The following LARS2 variants were observed in gnomAD, a reference collection of about 807,000 sequenced individuals.
LARS2 encodes leucyl-tRNA synthetase 2, mitochondrial.
LARS2 carries 81 observed loss-of-function variants against 116.6 expected under a neutral mutation model. That is an observed-to-expected ratio of 0.69 (90% CI 0.58 to 0.84). The LOEUF (loss-of-function observed/expected upper bound fraction) is 0.84, where lower values mean the gene tolerates loss of function less well. Ranked by LOEUF, LARS2 falls within the 40% of genes least tolerant of loss-of-function variation. LARS2 has a pLI of 0.00. For missense variants in LARS2, 968 were observed against 1,114.5 expected, an observed-to-expected ratio of 0.87 and a Z score of 1.87; for synonymous variants, 396 against 407.2, an observed-to-expected ratio of 0.97 and a Z score of 0.33.
chr3:45,446,773 A>T, intron 6 of LARS2, 118 bp from the exon 7 acceptor site: 1 of 601,642 alleles, frequency 1.7e-6, no homozygotes. Context: ...AAATATTTTG[A>T]GCTGGTAAAT....
intron 7 of LARS2, among the ~76,000 whole-genome samples, chr3:45,457,634 C>T (rs938861178): frequency 3.3e-5 from 5 of 151,984 alleles, no homozygotes; most frequent in African/African-American, 9.7e-5. Flanking sequence ...GCCAAGATTG[C>T]AACCATTGCA....
chr3:45,547,242 C>A, intron 21 of LARS2, 109 bp from the exon 22 acceptor site: 1 of 990,560 alleles, frequency 1.0e-6, no homozygotes, highest in Non-Finnish European at 1.5e-6. Context: ...CTATTCCTTT[C>A]CCCTAAACAA....
chr3:45,403,212 A>C (rs1217751879), intron 4 of LARS2, among the ~76,000 whole-genome samples: 2 of 152,088 alleles, frequency 1.3e-5, no homozygotes, highest in Non-Finnish European at 2.9e-5. Flanking sequence ...GTGATAAAGA[A>C]TCTAGTTGTG....
rs180673990 is a variant in LARS2, at chr3:45,390,581, G to C, written c.-87-1002G>C. Among the ~76,000 whole-genome samples, 482 of 151,312 alleles carry C rather than the reference G, an allele frequency of 3.2e-3. 2 individuals carry two copies. Among genetic ancestry groups the C allele is most frequent in the African/African-American group, 0.01 (431 of 41,274 alleles). On this transcript the variant is annotated intron_variant, in intron 1 of 21. Transcript: ENST00000645846. ...CCCGCCTCAGCCTCCGAAAGTGCTGGGATTACAGGCGTGAGCCACCAGACC... is the reference window on the plus strand; with the variant it reads ...CCCGCCTCAGCCTCCGAAAGTGCTGCGATTACAGGCGTGAGCCACCAGACC...
intron 18 of LARS2, 78 bp downstream of exon 18, chr3:45,518,150 C>A: frequency 8.7e-7 from 1 of 1,152,970 alleles, no homozygotes; most frequent in Non-Finnish European, 1.2e-6. Flanking sequence ...GTCTTTGCTG[C>A]CCTCCCTGCC....
intron 14 of LARS2, among the ~76,000 whole-genome samples, chr3:45,499,593 G>C (rs1279537961): frequency 6.6e-6 from 1 of 152,200 alleles, no homozygotes; most frequent in African/African-American, 2.4e-5. Context: ...CTGCGCTCCA[G>C]CGTGGGTGAC....
rs1698395954 is a variant in LARS2 at position 45,415,371 on chromosome 3, T to G, written c.364-2111T>G. Among the ~76,000 whole-genome samples the G allele has an allele frequency of 2.6e-5, 4 of 152,194 alleles. No homozygotes were observed. In the South Asian group the frequency reaches 8.3e-4, roughly 31 times the overall value. ...GCCAACATTATATACAGCACTTTAC[T>G]GTGTGGCAGGCACTATTCTCAGCAC... On this transcript the variant is annotated intron_variant, in intron 4 of 21. Coordinates refer to ENST00000645846, the MANE Select transcript of LARS2 (RefSeq NM_015340.4).
chr3:45,409,128 T>A (rs1698283711), intron 4 of LARS2, among the ~76,000 whole-genome samples: 1 of 152,230 alleles, frequency 6.6e-6, no homozygotes, highest in African/African-American at 2.4e-5. Context: ...GTCCAAGAAG[T>A]TAACTTCTAG....
At chr3:45,513,090 C>A in intron 15 of LARS2, 45 bp from the exon 16 acceptor site, 1 of 1,291,380 alleles carries the variant, frequency 7.7e-7, no homozygotes, top group Non-Finnish European at 1.1e-6. Flanking sequence ...CTCAATGCCT[C>A]ATGTCCCACT....
intron 6 of LARS2, among the ~76,000 whole-genome samples, chr3:45,426,189 T>A (rs887656753): frequency 1.3e-5 from 2 of 152,356 alleles, no homozygotes; most frequent in Middle Eastern, 3.4e-3. Flanking sequence ...CTTGAACTAA[T>A]AACGAAGCCT....
chr3:45,534,818 CA>C (rs557235377), intron 20 of LARS2, among the ~76,000 whole-genome samples: 38 of 152,204 alleles, frequency 2.5e-4, no homozygotes, highest in Non-Finnish European at 4.7e-4. Flanking sequence ...GAAACAGACC[CA>C]GCGTCTTGGC....
intron 8 of LARS2, among the ~76,000 whole-genome samples, chr3:45,465,627 G>A (rs1559478157): frequency 1.3e-5 from 2 of 152,218 alleles, no homozygotes; most frequent in Admixed American, 1.3e-4. Context: ...GCTCTCAGCA[G>A]GCCTGAGAGG....
At chr3:45,492,800 G>T (rs565682519) in intron 13 of LARS2, among the ~76,000 whole-genome samples, 1 of 152,188 alleles carries the variant, frequency 6.6e-6, no homozygotes, top group Non-Finnish European at 1.5e-5. Context: ...ATCCAGCCAG[G>T]GACTTGCCAG....
At chr3:45,389,218 A>G (rs1697896430) in intron 1 of LARS2, 1 of 151,110 alleles carries the variant, frequency 6.6e-6, no homozygotes, top group Non-Finnish European at 1.5e-5. Flanking sequence ...TGTTGTACAC[A>G]GATGTCCTCG....
chr3:45,458,366 A>G (rs915501342), intron 7 of LARS2, among the ~76,000 whole-genome samples: 1 of 152,158 alleles, frequency 6.6e-6, no homozygotes, highest in Admixed American at 6.5e-5. Flanking sequence ...GCCCTCTCCC[A>G]TGTAAGAAAC....
chr3:45,522,663 C>T lies in LARS2; in HGVS notation c.2293-1334C>T, dbSNP rs1424785526. Among the ~76,000 whole-genome samples, 3 of 152,148 alleles carry T rather than the reference C, an allele frequency of 2.0e-5. No homozygotes were observed. In the East Asian group the frequency reaches 5.8e-4, roughly 29 times the overall value. On this transcript the variant is annotated intron_variant, in intron 19 of 21. Coordinates refer to ENST00000645846, the MANE Select transcript of LARS2 (RefSeq NM_015340.4). ...GGCTGAGGCAGGAGGATTGCTTAAA[C>T]CTGTAGGCAGAGGTTGCAGTGAGCT... is the stretch of plus-strand genomic sequence containing the variant.
At chr3:45,430,482 G>A (rs1456431254) in intron 6 of LARS2, among the ~76,000 whole-genome samples, 15 of 145,574 alleles carry the variant, frequency 1.0e-4, no homozygotes, top group Admixed American at 1.4e-4. Context: ...GGGTTTCACC[G>A]TGTTAGCCAG....
At position 45,516,194 on chromosome 3, in the gene LARS2, G is replaced by A; in HGVS notation, c.1962G>A (p.Val654=). 6.2e-7 allele frequency: 1 copy of A among 1,614,192 alleles called. No individual in the cohort carries two copies. The highest frequency in any genetic ancestry group is 8.5e-7 in the Non-Finnish European group (1 of 1,180,014). The part of the protein sequence containing the change: ...KHNGVDPEEV[V]EQYGIDTIRL... ...ACGGGGTGGACCCAGAGGAAGTTGTGGAGCAGTATGGGATCGACACGATTC... is the reference window on the plus strand; with the variant it reads ...ACGGGGTGGACCCAGAGGAAGTTGTAGAGCAGTATGGGATCGACACGATTC... Residue 654 remains valine (V), a synonymous_variant, in exon 17 of 22, where the codon GTG becomes GTA. Coordinates refer to ENST00000645846, the MANE Select transcript of LARS2 (RefSeq NM_015340.4).
intron 8 of LARS2, among the ~76,000 whole-genome samples, chr3:45,467,914 A>G (rs1699454061): frequency 1.3e-5 from 2 of 152,078 alleles, no homozygotes; most frequent in Non-Finnish European, 2.9e-5. Context: ...GGCAAACCTC[A>G]TCTCTACAAG....
Sources: gnomAD v4.1 joint callset for allele counts (sites outside exome capture counted in the v4.1 genomes callset) on GRCh38, gnomAD v4.1.1 for gene constraint, MANE v1.5 for transcripts, NCBI Gene and HGNC (gene_info 2026-07-23, HGNC 2026-07-21) for gene names.